The following LRRC4C variants were observed in gnomAD, a reference collection of about 807,000 sequenced individuals.
LRRC4C encodes the protein leucine-rich repeat-containing protein 4C.
LRRC4C carries 5 observed loss-of-function variants against 33.6 expected under a neutral mutation model. That is an observed-to-expected ratio of 0.15 (90% CI 0.08 to 0.31). The LOEUF (loss-of-function observed/expected upper bound fraction) is 0.31, where lower values mean the gene tolerates loss of function less well. LRRC4C is among the 10% of genes least tolerant of loss of function. LRRC4C has a pLI of 1.00. For missense variants in LRRC4C, 560 were observed against 796.7 expected (o/e 0.70, Z 3.58); for synonymous variants, 329 against 302.0 (o/e 1.09, Z -0.93).
chr11:40,191,981 T>C (rs1046407256), intron 5 of LRRC4C, among the ~76,000 whole-genome samples: 4 of 152,068 alleles, frequency 2.6e-5, no homozygotes, highest in Non-Finnish European at 4.4e-5. Flanking sequence ...TAAATAAAAG[T>C]CTATAATTGT....
At chr11:40,898,629 G>C (rs926134860) in intron 2 of LRRC4C, among the ~76,000 whole-genome samples, 12 of 151,992 alleles carry the variant, frequency 7.9e-5, no homozygotes, top group Non-Finnish European at 1.5e-4. Flanking sequence ...TACATCCTGA[G>C]GTCTGGCTTA....
At chr11:41,007,484 T>G (rs981133716) in intron 1 of LRRC4C, among the ~76,000 whole-genome samples, 1 of 152,112 alleles carries the variant, frequency 6.6e-6, no homozygotes, top group Non-Finnish European at 1.5e-5. Context: ...CTATCAAAAT[T>G]TTAATGCACA....
At chr11:40,438,439 G>A (rs984589675) in intron 3 of LRRC4C, among the ~76,000 whole-genome samples, 5 of 152,078 alleles carry the variant, frequency 3.3e-5, no homozygotes, top group African/African-American at 1.2e-4. Flanking sequence ...AAATTTACTC[G>A]TATGTTCTAT....
intron 1 of LRRC4C, among the ~76,000 whole-genome samples, chr11:41,216,999 G>T (rs1208970513): frequency 6.6e-6 from 1 of 152,128 alleles, no homozygotes; most frequent in Non-Finnish European, 1.5e-5. Context: ...AACGGGTCAT[G>T]AGTGGAAGAA....
intron 3 of LRRC4C, among the ~76,000 whole-genome samples, chr11:40,542,122 A>G (rs1956742788): frequency 7.3e-6 from 1 of 137,432 alleles, no homozygotes; most frequent in African/African-American, 2.7e-5. Flanking sequence ...CACATTTTTT[A>G]TATGACTGCC....
intron 2 of LRRC4C, among the ~76,000 whole-genome samples, chr11:40,847,881 G>C (rs1409916143): frequency 4.0e-5 from 6 of 150,376 alleles, no homozygotes; most frequent in African/African-American, 1.2e-4. Context: ...TCCTGGTGTA[G>C]TCTTGGGAGG....
chr11:40,831,112 C>A (rs1952393156), intron 2 of LRRC4C, among the ~76,000 whole-genome samples: 1 of 152,050 alleles, frequency 6.6e-6, no homozygotes, highest in Non-Finnish European at 1.5e-5. Flanking sequence ...AAAAGAGGGG[C>A]ATAATTCAAC....
intron 2 of LRRC4C, among the ~76,000 whole-genome samples, chr11:40,837,216 C>T (rs1160436319): frequency 6.6e-6 from 1 of 152,058 alleles, no homozygotes; most frequent in Non-Finnish European, 1.5e-5. Flanking sequence ...AATTTGATAA[C>T]TTCTGTACTA....
chr11:41,442,458 C>CTTTTTTTTTTTTTTTT (rs775679545), intron 1 of LRRC4C, among the ~76,000 whole-genome samples: 11 of 84,076 alleles, frequency 1.3e-4, no homozygotes, highest in African/African-American at 1.9e-4. Flanking sequence ...TTGCTTTTTT[C>CTTTTTTTTTTTTTTTT]TTTTTTTTTT....
intron 2 of LRRC4C, among the ~76,000 whole-genome samples, chr11:40,827,921 C>T (rs761378882): frequency 5.9e-5 from 9 of 151,516 alleles, no homozygotes; most frequent in African/African-American, 1.5e-4. Context: ...CTAGAAAAGA[C>T]GAACAGGTGC....
chr11:40,838,294 G>A (rs1266031411), intron 2 of LRRC4C, among the ~76,000 whole-genome samples: 2 of 152,142 alleles, frequency 1.3e-5, no homozygotes, highest in Non-Finnish European at 2.9e-5. Context: ...TGAAACAACT[G>A]TTGAAAATTT....
intron 3 of LRRC4C, among the ~76,000 whole-genome samples, chr11:40,342,446 C>T (rs530536418): frequency 1.1e-4 from 16 of 152,060 alleles, no homozygotes; most frequent in Admixed American, 5.9e-4. Context: ...TCCAGCCTGG[C>T]GGCAGAGTGA....
chr11:41,148,236 C>T (rs551719420), intron 1 of LRRC4C, among the ~76,000 whole-genome samples: 5 of 151,916 alleles, frequency 3.3e-5, no homozygotes, highest in South Asian at 4.2e-4. Flanking sequence ...AGGATGATCT[C>T]GATCTCCTGA....
intron 6 of LRRC4C, among the ~76,000 whole-genome samples, chr11:40,121,607 A>T (rs1296906576): frequency 2.0e-5 from 3 of 152,342 alleles, no homozygotes; most frequent in Non-Finnish European, 2.9e-5. Context: ...AAACTATGAT[A>T]CTTTTAGCCT....
At chr11:40,758,832 T>A (rs1001837766) in intron 2 of LRRC4C, among the ~76,000 whole-genome samples, 2 of 151,942 alleles carry the variant, frequency 1.3e-5, no homozygotes, top group South Asian at 2.1e-4. Context: ...AAATTATTTA[T>A]CAAATTCCCT....
chr11:40,571,106 C>T (rs186248456), intron 3 of LRRC4C, among the ~76,000 whole-genome samples: 273 of 151,990 alleles, frequency 1.8e-3, no homozygotes, highest in Non-Finnish European at 3.0e-3. Context: ...TATATAACCA[C>T]ATTGGAATAA....
chr11:40,648,708 A>G lies in LRRC4C; in HGVS notation c.-406-430T>C, dbSNP rs2861928. 4.4e-3 allele frequency among the ~76,000 whole-genome samples: 670 copies of G among 152,314 alleles called. 6 individuals carry two copies. The highest frequency in any genetic ancestry group is 0.016 in the African/African-American group (646 of 41,560). ...TTCAGTCAGCACAGTAATATTTCTT[A>G]AGATCTTGCTATCCACACTGTCTAG... On this transcript the variant is annotated intron_variant, in intron 2 of 6. Transcript: ENST00000528697.
intron 2 of LRRC4C, among the ~76,000 whole-genome samples, chr11:40,744,133 C>G (rs1231604637): frequency 6.6e-6 from 1 of 152,142 alleles, no homozygotes; most frequent in Non-Finnish European, 1.5e-5. Context: ...GAAGGAAACA[C>G]AACAGATAAT....
At chr11:40,286,217 TAAC>T (rs1943827111) in intron 4 of LRRC4C, among the ~76,000 whole-genome samples, 1 of 152,112 alleles carries the variant, frequency 6.6e-6, no homozygotes, top group African/African-American at 2.4e-5. Context: ...CAGTAAAAAT[TAAC>T]AACAATTATA....
Sources: allele counts gnomAD v4.1 joint callset (sites outside exome capture counted in the v4.1 genomes callset), GRCh38; gene constraint gnomAD v4.1.1; transcripts MANE v1.5; gene names NCBI Gene and HGNC (gene_info 2026-07-23, HGNC 2026-07-21).